POGLUT2: variants seen among roughly 807,000 people sequenced by gnomAD.
The protein encoded by POGLUT2 is ER protein 58.
A neutral mutation model predicts 57.6 loss-of-function variants in POGLUT2; 47 were observed. That is an observed-to-expected ratio of 0.82 (90% CI 0.65 to 1.04). The LOEUF (loss-of-function observed/expected upper bound fraction) is 1.04, where lower values mean the gene tolerates loss of function less well. POGLUT2 is among the 50% of genes least tolerant of loss of function. The pLI, the probability that POGLUT2 is intolerant of heterozygous loss-of-function variation, is 0.00. For synonymous variants in POGLUT2, 200 were observed against 218.8 expected (o/e 0.91, Z 0.76); for missense variants, 565 against 614.8 (o/e 0.92, Z 0.86).
intron 8 of POGLUT2, 35 bp from the exon 9 acceptor site, chr13:102,786,374 AAAC>A (rs1566434705): frequency 7.5e-7 from 1 of 1,330,846 alleles, no homozygotes; most frequent in Non-Finnish European, 1.1e-6. Context: ...ATTCCTTATA[AAAC>A]ACTTTATATC....
chr13:102,792,022 A>G (rs1335820994), intron 4 of POGLUT2: 15 of 1,289,618 alleles, frequency 1.2e-5, no homozygotes, highest in Non-Finnish European at 2.0e-6. Flanking sequence ...GAGAAACCGA[A>G]GTCCTGAAGA....
In POGLUT2 at chr13:102,789,100, A is replaced by G; in HGVS notation, c.1205T>C (p.Leu402Pro). The G allele has an allele frequency of 6.2e-7, 1 of 1,614,196 alleles. No homozygotes were observed. The highest frequency in any genetic ancestry group is 8.5e-7 in the Non-Finnish European group (1 of 1,180,024). Reference protein sequence around the residue: ...SIYYEHFYNELQPWKHYIPVK... With the variant: ...SIYYEHFYNEPQPWKHYIPVK... The stretch of plus-strand genomic sequence containing the variant: ...TGGAATGTAGTGTTTCCAGGGCTGC[A>G]GCTCATTGTAAAAATGTTCATAGTA... Residue 402 changes from leucine (L) to proline (P), a missense_variant, in exon 7 of 10, where the codon CTG (leucine) becomes CCG (proline). By Grantham distance (98) the Leu-to-Pro change is moderately conservative. Transcript: ENST00000376004.
At chr13:102,794,691 A>C (rs60612408) in intron 2 of POGLUT2, among the ~76,000 whole-genome samples, 10,171 of 152,152 alleles carry the variant, frequency 0.067, 487 homozygotes, top group African/African-American at 0.13. Context: ...GACAACAGAT[A>C]CTTGGTTTAT....
rs1219504438 is a variant in POGLUT2, at chr13:102,798,837, C to A, written c.-167G>T. The A allele has an allele frequency of 6.3e-6, 4 of 630,904 alleles. No individual in the cohort carries two copies. The highest frequency in any genetic ancestry group is 1.0e-5 in the Non-Finnish European group (4 of 391,930). 39.1% of individuals were successfully genotyped at this position (630,904 alleles called of 1,614,324 possible). A position where few individuals can be genotyped will look rare whatever the true frequency, so the allele number is the denominator to read the frequency against. ...GGCAGGCGCGCGGGTCTCCGCGACC[C>A]CAGGACAATCAAAGCCCGTGCCCCG... On this transcript the variant is annotated 5_prime_UTR_variant, in exon 1 of 10. Transcript: ENST00000376004.
intron 2 of POGLUT2, among the ~76,000 whole-genome samples, chr13:102,794,091 G>C (rs945473188): frequency 2.0e-5 from 3 of 151,926 alleles, no homozygotes; most frequent in Non-Finnish European, 4.4e-5. Flanking sequence ...TAAAAAATTA[G>C]CTGGGTGCGT....
intron 1 of POGLUT2, 86 bp from the exon 2 acceptor site, chr13:102,797,095 T>A: frequency 1.2e-6 from 1 of 857,744 alleles, no homozygotes; most frequent in Non-Finnish European, 1.9e-6. Context: ...GAAACTTGAT[T>A]ATTCTCCTCC....
In POGLUT2 at chr13:102,798,838, C is replaced by A. The variant is rs1281459434; in HGVS notation, c.-168G>T. On this transcript the variant is annotated 5_prime_UTR_variant, in exon 1 of 10. Transcript: ENST00000376004. ...GCAGGCGCGCGGGTCTCCGCGACCC[C>A]AGGACAATCAAAGCCCGTGCCCCGG... The A allele has an allele frequency of 1.6e-6, 1 of 627,620 alleles. No individual in the cohort carries two copies. Among genetic ancestry groups the A allele is most frequent in the Non-Finnish European group, 2.6e-6 (1 of 389,094 alleles). 38.9% of individuals were successfully genotyped at this position (627,620 alleles called of 1,614,324 possible).
chr13:102,789,000 G>A lies in POGLUT2; in HGVS notation c.1293+12C>T. 1 of 1,606,870 alleles carries A rather than the reference G, an allele frequency of 6.2e-7. No individual in the cohort carries two copies. Among genetic ancestry groups the A allele is most frequent in the East Asian group, 2.2e-5 (1 of 44,848 alleles). On this transcript the variant is annotated intron_variant, in intron 7 of 9. Transcript: ENST00000376004. ...ACAAGTGGAAATAAGCCTTCAAGGG[G>A]ACTAACCTTACCTCTTCATCGTGAT...
At chr13:102,788,170 C>T (rs1566435472) in intron 7 of POGLUT2, among the ~76,000 whole-genome samples, 1 of 152,242 alleles carries the variant, frequency 6.6e-6, no homozygotes, top group African/African-American at 2.4e-5. Flanking sequence ...CCTGGAGAGA[C>T]AAGGTTGTAC....
At chr13:102,791,465 T>C in intron 4 of POGLUT2, 35 bp from the exon 5 acceptor site, 1 of 1,538,328 alleles carries the variant, frequency 6.5e-7, no homozygotes, top group Non-Finnish European at 8.7e-7. Flanking sequence ...TATTCACATT[T>C]CCTGCATTGG....
intron 2 of POGLUT2, among the ~76,000 whole-genome samples, chr13:102,795,250 C>CAAAAAAAA (rs58015405): frequency 7.0e-5 from 3 of 42,652 alleles, no homozygotes; most frequent in Non-Finnish European, 1.0e-4. Flanking sequence ...GACATCGTCT[C>CAAAAAAAA]AAAAAAAAAA....
At chr13:102,788,905 G>T in intron 7 of POGLUT2, 107 bp downstream of exon 7, 1 of 988,722 alleles carries the variant, frequency 1.0e-6, no homozygotes, top group Non-Finnish European at 1.6e-6. Context: ...ACAGGCCAAA[G>T]TCTATTACGT....
In POGLUT2 at chr13:102,798,692, T is replaced by C. The variant is rs745486873; in HGVS notation, c.-22A>G. 1.9e-6 allele frequency: 3 copies of C among 1,562,160 alleles called. No individual in the cohort carries two copies. The East Asian group carries it at 7.0e-5, about 37-fold the overall frequency. Reference sequence around the variant, plus strand: ...ACATTTACAAGACGGACTCTCGAAATGATCCACCGATAAATGAAGAAGTGT... The same window carrying C: ...ACATTTACAAGACGGACTCTCGAAACGATCCACCGATAAATGAAGAAGTGT... On this transcript the variant is annotated 5_prime_UTR_variant, in exon 1 of 10. Transcript: ENST00000376004.
chr13:102,797,130 G>T, intron 1 of POGLUT2, 121 bp from the exon 2 acceptor site: 1 of 645,458 alleles, frequency 1.5e-6, no homozygotes, highest in East Asian at 2.7e-5. Context: ...ACATATGATT[G>T]CTTCTTCTTC....
Position 102,784,307 on chromosome 13 carries a change from A to G in POGLUT2, c.*188T>C. 1 of 479,348 alleles carries G rather than the reference A, an allele frequency of 2.1e-6. No individual in the cohort carries two copies. Among genetic ancestry groups the G allele is most frequent in the Non-Finnish European group, 3.8e-6 (1 of 263,556 alleles). 29.7% of individuals were successfully genotyped at this position (479,348 alleles called of 1,614,324 possible). On this transcript the variant is annotated 3_prime_UTR_variant, in exon 10 of 10. Coordinates refer to ENST00000376004, the MANE Select transcript of POGLUT2 (RefSeq NM_024089.3). ...CCTTTAAAATAAAGGTGGTTTTATTATAAAATTCTAAAAATGTACTTTAAA... is the reference window on the plus strand; with the variant it reads ...CCTTTAAAATAAAGGTGGTTTTATTGTAAAATTCTAAAAATGTACTTTAAA...
chr13:102,791,263 C>T lies in POGLUT2; in HGVS notation c.840G>A (p.Met280Ile). ...AACCCTGACTTATCTCTCACCGGCC[C>T]ATGGTTTCCAGAACAGAATCAGTCA... Reference protein sequence around the residue: ...YDLTDSVLETMGRVSLDMMSV... With the variant: ...YDLTDSVLETIGRVSLDMMSV... The change falls in exon 5 of 10, where the codon ATG (methionine) becomes ATA (isoleucine). Residue 280 changes from methionine to isoleucine, a missense_variant. Met to Ile is a conservative substitution (Grantham distance 10). Transcript: ENST00000376004. 6.2e-7 allele frequency: 1 copy of T among 1,602,312 alleles called. No homozygotes were observed. The highest frequency in any genetic ancestry group is 8.5e-7 in the Non-Finnish European group (1 of 1,175,746).
intron 1 of POGLUT2, 142 bp downstream of exon 1, chr13:102,798,347 C>T: frequency 1.5e-6 from 1 of 664,172 alleles, no homozygotes; most frequent in South Asian, 2.3e-5. Context: ...ACAATTTCTA[C>T]AGCTACAGAG....
At chr13:102,789,966 A>G (rs573530159) in intron 6 of POGLUT2, among the ~76,000 whole-genome samples, 24 of 152,358 alleles carry the variant, frequency 1.6e-4, no homozygotes, top group Non-Finnish European at 2.9e-4. Context: ...AAGAACACCT[A>G]TGAATAAAAA....
intron 5 of POGLUT2, 44 bp from the exon 6 acceptor site, chr13:102,791,182 T>C (rs1878155328): frequency 6.2e-7 from 1 of 1,607,394 alleles, no homozygotes; most frequent in African/African-American, 1.3e-5. Flanking sequence ...AATCATCATA[T>C]CACAAAGGTT....
Sources: gnomAD v4.1 joint callset for allele counts (sites outside exome capture counted in the v4.1 genomes callset) on GRCh38, gnomAD v4.1.1 for gene constraint, MANE v1.5 for transcripts, NCBI Gene and HGNC (gene_info 2026-07-23, HGNC 2026-07-21) for gene names.